Variants in LOXHD1 observed in about 807,000 individuals in gnomAD.
LOXHD1 encodes the protein lipoxygenase homology domain-containing protein 1.
In LOXHD1, 205 loss-of-function variants were observed where a neutral mutation model predicts 248.2. The observed-to-expected ratio is 0.83, with a 90% confidence interval of 0.74 to 0.93. LOXHD1 has a LOEUF of 0.93. LOXHD1 is among the 40% of genes least tolerant of loss of function. LOXHD1 has a pLI of 0.00. For missense variants in LOXHD1, 2,930 were observed against 2,971.6 expected, an observed-to-expected ratio of 0.99 and a Z score of 0.33; for synonymous variants, 1,113 against 1,162.8, an observed-to-expected ratio of 0.96 and a Z score of 0.87.
intron 40 of LOXHD1, among the ~76,000 whole-genome samples, chr18:46,481,686 C>T (rs1430245979): frequency 6.6e-6 from 1 of 152,220 alleles, no homozygotes; most frequent in Non-Finnish European, 1.5e-5. Flanking sequence ...CCCGCTCCAG[C>T]CCTGGTGACA....
chr18:46,657,211 T>A lies in LOXHD1; in HGVS notation c.-178A>T. Reference sequence around the variant, plus strand: ...CCCGTGCCCAAGGTGCTGTTCCCTCTGCCTTCTCTGGCTCCTGAGCTGAAC... The same window carrying A: ...CCCGTGCCCAAGGTGCTGTTCCCTCAGCCTTCTCTGGCTCCTGAGCTGAAC... On this transcript the variant is annotated 5_prime_UTR_variant, in exon 1 of 41. Transcript: ENST00000642948. 1 of 959,336 alleles carries A rather than the reference T, an allele frequency of 1.0e-6. No homozygotes were observed. Among genetic ancestry groups the A allele is most frequent in the Non-Finnish European group, 1.5e-6 (1 of 658,246 alleles). The allele number at this position is 959,336 out of a possible 1,614,324, so 59.4% of individuals were successfully genotyped here.
intron 1 of LOXHD1, among the ~76,000 whole-genome samples, chr18:46,654,821 G>T (rs1043283625): frequency 1.3e-5 from 2 of 152,158 alleles, no homozygotes; most frequent in Admixed American, 6.5e-5. Context: ...GCAACAGACA[G>T]GAGAATCCAT....
At chr18:46,482,141 T>A (rs532287304) in intron 40 of LOXHD1, among the ~76,000 whole-genome samples, 9 of 152,166 alleles carry the variant, frequency 5.9e-5, no homozygotes, top group African/African-American at 1.9e-4. Context: ...TCCTACAGGA[T>A]TGATTGTACT....
chr18:46,618,233 G>C lies in LOXHD1; in HGVS notation c.569C>G (p.Ala190Gly), dbSNP rs2144328243. The C allele has an allele frequency of 1.3e-6, 2 of 1,551,456 alleles. No homozygotes were observed. Among genetic ancestry groups the C allele is most frequent in the South Asian group, 1.2e-5 (1 of 84,056 alleles). ...TGDVIGAGTDADVFINIFGEY... is the reference protein window; with the variant it reads ...TGDVIGAGTDGDVFINIFGEY... ...TCCAAAAATATTGATGAAGACATCA[G>C]CATCTGTCCCTGCACCAATTACATC... is the stretch of plus-strand genomic sequence containing the variant. Residue 190 changes from alanine (A) to glycine (G), a missense_variant, in exon 5 of 41, where the codon GCT (alanine) becomes GGT (glycine). Ala to Gly is a moderately conservative substitution (Grantham distance 60, BLOSUM62 0). Transcript: ENST00000642948.
At chr18:46,619,339 T>A (rs537805596) in intron 4 of LOXHD1, among the ~76,000 whole-genome samples, 1 of 152,240 alleles carries the variant, frequency 6.6e-6, no homozygotes, top group South Asian at 2.1e-4. Flanking sequence ...CTCTGAGCCC[T>A]GTCCCTGGCC....
chr18:46,576,911 G>A (rs565849208), intron 14 of LOXHD1, among the ~76,000 whole-genome samples: 5 of 152,262 alleles, frequency 3.3e-5, no homozygotes, highest in Admixed American at 6.5e-5. Context: ...TCATTACTGG[G>A]CAGCTGTGCA....
chr18:46,564,654 G>A (rs1384015097), intron 17 of LOXHD1, among the ~76,000 whole-genome samples: 8 of 152,180 alleles, frequency 5.3e-5, no homozygotes, highest in Admixed American at 5.2e-4. Flanking sequence ...AGGGGAAGAG[G>A]TAGGTAAGGG....
At chr18:46,531,504 T>A (rs2036067119) in intron 28 of LOXHD1, among the ~76,000 whole-genome samples, 1 of 152,136 alleles carries the variant, frequency 6.6e-6, no homozygotes, top group Admixed American at 6.5e-5. Flanking sequence ...AGGGACACCT[T>A]TTCTAGGAGC....
intron 40 of LOXHD1, among the ~76,000 whole-genome samples, chr18:46,481,321 T>C (rs910259169): frequency 6.6e-6 from 1 of 151,980 alleles, no homozygotes; most frequent in African/African-American, 2.4e-5. Flanking sequence ...CAGAGACCAC[T>C]GAGAACTGCA....
At chr18:46,523,525 A>T (rs984446713) in intron 31 of LOXHD1, among the ~76,000 whole-genome samples, 1 of 152,148 alleles carries the variant, frequency 6.6e-6, no homozygotes, top group African/African-American at 2.4e-5. Context: ...TGTTTAAGTC[A>T]CCATTTCCAG....
chr18:46,479,394 C>T (rs1407145574), intron 40 of LOXHD1, among the ~76,000 whole-genome samples: 1 of 151,866 alleles, frequency 6.6e-6, no homozygotes, highest in Non-Finnish European at 1.5e-5. Context: ...TTCTCTTGCA[C>T]ATCCCCAATT....
intron 12 of LOXHD1, among the ~76,000 whole-genome samples, chr18:46,590,697 C>T (rs992888775): frequency 5.9e-5 from 9 of 152,150 alleles, no homozygotes; most frequent in African/African-American, 2.2e-4. Context: ...CAGTTATTAC[C>T]GAATGCAAAA....
intron 12 of LOXHD1, among the ~76,000 whole-genome samples, chr18:46,582,683 G>C (rs1433968810): frequency 6.6e-6 from 1 of 152,120 alleles, no homozygotes; most frequent in African/African-American, 2.4e-5. Context: ...GCAGAAACAG[G>C]GTGAATCCAC....
At chr18:46,631,112 G>A (rs1245735485) in intron 4 of LOXHD1, among the ~76,000 whole-genome samples, 4 of 152,064 alleles carry the variant, frequency 2.6e-5, no homozygotes, top group Non-Finnish European at 4.4e-5. Flanking sequence ...GTTCATACAA[G>A]CCCCTAAGTC....
chr18:46,636,848 C>T (rs2038898921), intron 4 of LOXHD1, among the ~76,000 whole-genome samples: 1 of 152,196 alleles, frequency 6.6e-6, no homozygotes. Context: ...CCAATGCAGT[C>T]ATTGGAATAT....
intron 4 of LOXHD1, among the ~76,000 whole-genome samples, chr18:46,625,318 A>T (rs1037018263): frequency 2.6e-5 from 4 of 152,178 alleles, no homozygotes; most frequent in African/African-American, 7.2e-5. Context: ...AAGCCTTGTT[A>T]TGCACCAACA....
chr18:46,490,144 C>G lies in LOXHD1; in HGVS notation c.5879-1002G>C, dbSNP rs531003268. Among the ~76,000 whole-genome samples, 22 of 152,258 alleles carry G rather than the reference C, an allele frequency of 1.4e-4. No individual in the cohort carries two copies. The East Asian group carries it at 2.3e-3, about 16-fold the overall frequency. On this transcript the variant is annotated intron_variant, in intron 37 of 40. Coordinates refer to ENST00000642948, the MANE Select transcript of LOXHD1 (RefSeq NM_001384474.1). ...TCTTCTCTTCAAAGTCCTTGAGAAC[C>G]CTTACAACCAAAGGACCCCAGGCAG...
intron 33 of LOXHD1, 105 bp downstream of exon 33, chr18:46,520,992 C>T: frequency 7.4e-7 from 1 of 1,342,394 alleles, no homozygotes; most frequent in Non-Finnish European, 1.0e-6. Context: ...GCGGATGCCC[C>T]AGTGATGAGT....
intron 4 of LOXHD1, among the ~76,000 whole-genome samples, chr18:46,635,715 AAC>A (rs1379474770): frequency 2.6e-5 from 4 of 152,250 alleles, no homozygotes; most frequent in African/African-American, 4.8e-5. Context: ...AGCAAATGAT[AAC>A]AGTTTTTTAT....
Sources: allele counts gnomAD v4.1 joint callset (sites outside exome capture counted in the v4.1 genomes callset), GRCh38; gene constraint gnomAD v4.1.1; transcripts MANE v1.5; gene names NCBI Gene and HGNC (gene_info 2026-07-23, HGNC 2026-07-21).